MYO3B: variants seen among roughly 807,000 people sequenced by gnomAD.
MYO3B encodes myosin-IIIb.
Under a neutral mutation model 174.6 loss-of-function variants are expected in MYO3B, and 156 were observed. That is an observed-to-expected ratio of 0.89 (90% CI 0.78 to 1.02). The LOEUF is 1.02. MYO3B is among the 50% of genes least tolerant of loss of function. MYO3B has a pLI of 0.00. For missense variants in MYO3B, 1,632 were observed against 1,639.4 expected (o/e 1.00, Z 0.08); for synonymous variants, 563 against 569.1 (o/e 0.99, Z 0.15).
intron 28 of MYO3B, among the ~76,000 whole-genome samples, chr2:170,512,824 A>C (rs1426635936): frequency 6.6e-6 from 1 of 152,146 alleles, no homozygotes; most frequent in East Asian, 1.9e-4. Flanking sequence ...TTTAGGAAAA[A>C]ATTTTGTGCT....
At chr2:170,436,152 C>T (rs1184213864) in intron 22 of MYO3B, among the ~76,000 whole-genome samples, 10 of 152,166 alleles carry the variant, frequency 6.6e-5, no homozygotes, top group African/African-American at 1.9e-4. Flanking sequence ...CTCTGACTTC[C>T]GTTTTCTCCT....
At chr2:170,428,466 ATACTT>A (rs2094683067) in intron 22 of MYO3B, among the ~76,000 whole-genome samples, 1 of 152,222 alleles carries the variant, frequency 6.6e-6, no homozygotes, top group Non-Finnish European at 1.5e-5. Flanking sequence ...AAGCCTAACA[ATACTT>A]AACTTTTTTT....
chr2:170,333,837 A>G (rs1304498485), intron 7 of MYO3B: 1 of 152,152 alleles, frequency 6.6e-6, no homozygotes, highest in Non-Finnish European at 1.5e-5. Context: ...CTAGTATATC[A>G]CTTACCATAT....
chr2:170,387,373 T>A (rs780671868), intron 14 of MYO3B, 65 bp downstream of exon 14: 1 of 1,450,080 alleles, frequency 6.9e-7, no homozygotes, highest in African/African-American at 1.4e-5. Context: ...TTTGGAAATT[T>A]TAATGGTTCA....
At chr2:170,401,797 TTTTTC>T in intron 18 of MYO3B, 106 bp downstream of exon 18, 2 of 975,386 alleles carry the variant, frequency 2.1e-6, no homozygotes, top group African/African-American at 1.8e-5. Flanking sequence ...ATTTTCTTTC[TTTTTC>T]TTTTTTTTTT....
chr2:170,459,351 A>T (rs1206878777), intron 23 of MYO3B, among the ~76,000 whole-genome samples: 1 of 152,094 alleles, frequency 6.6e-6, no homozygotes, highest in Non-Finnish European at 1.5e-5. Flanking sequence ...GGGTTTACAA[A>T]CCTTGAGCTA....
At chr2:170,596,871 A>G (rs1173686956) in intron 32 of MYO3B, among the ~76,000 whole-genome samples, 1 of 152,218 alleles carries the variant, frequency 6.6e-6, no homozygotes, top group Non-Finnish European at 1.5e-5. Flanking sequence ...AGTCTCTTTG[A>G]GCAGCCTAGC....
chr2:170,405,665 A>C (rs2094504930), intron 21 of MYO3B, 32 bp downstream of exon 21: 1 of 1,595,168 alleles, frequency 6.3e-7, no homozygotes, highest in South Asian at 1.1e-5. Flanking sequence ...TTAGACCTGA[A>C]TTTGGCAAAG....
chr2:170,279,971 G>A (rs1281007020), intron 7 of MYO3B, among the ~76,000 whole-genome samples: 2 of 151,994 alleles, frequency 1.3e-5, no homozygotes, highest in African/African-American at 4.8e-5. Context: ...TATTCCTTTG[G>A]GTATATATCC....
chr2:170,423,230 A>T (rs537172959), intron 22 of MYO3B, among the ~76,000 whole-genome samples: 15 of 151,782 alleles, frequency 9.9e-5, no homozygotes, highest in African/African-American at 3.6e-4. Flanking sequence ...TGATCCACCC[A>T]CCTTGGCCTC....
At chr2:170,619,966 G>A (rs1575262854) in intron 32 of MYO3B, among the ~76,000 whole-genome samples, 1 of 151,430 alleles carries the variant, frequency 6.6e-6, no homozygotes, top group Non-Finnish European at 1.5e-5. Flanking sequence ...AGGCTGGCTT[G>A]CTGCCATATT....
Position 170,235,991 on chromosome 2 carries a change from G to T in MYO3B, c.604G>T (p.Val202Phe). The T allele has an allele frequency of 6.2e-7, 1 of 1,614,014 alleles. No individual in the cohort carries two copies. The highest frequency in any genetic ancestry group is 1.7e-5 in the Admixed American group (1 of 60,008). ...GTCATGTCCTGCTTTTGTCCAATAG[G>T]TCATTGCCTGTGAGCAGCAGTATGA... The part of the protein sequence containing the change: ...VGTPFWMAPE[V>F]IACEQQYDSS... Residue 202 changes from valine to phenylalanine, a missense_variant and splice_region_variant, in exon 7 of 35, where the codon GTC becomes TTC. Coordinates refer to ENST00000408978, the MANE Select transcript of MYO3B (RefSeq NM_138995.5).
At chr2:170,468,921 G>C (rs902101399) in intron 25 of MYO3B, among the ~76,000 whole-genome samples, 9 of 152,106 alleles carry the variant, frequency 5.9e-5, no homozygotes, top group African/African-American at 2.2e-4. Flanking sequence ...AGCACTTTGG[G>C]AGGCAGGCAC....
intron 25 of MYO3B, among the ~76,000 whole-genome samples, chr2:170,490,028 C>CT (rs751661221): frequency 0.05 from 7,262 of 145,642 alleles, 665 homozygotes; most frequent in African/African-American, 0.17. Context: ...AGTTTCTTTT[C>CT]TTTCTTTTTT....
chr2:170,187,069 AG>A (rs2092474297), intron 1 of MYO3B, among the ~76,000 whole-genome samples: 2 of 151,006 alleles, frequency 1.3e-5, no homozygotes, highest in African/African-American at 2.4e-5. Flanking sequence ...AAAAACAAAA[AG>A]GTTTGTCAAT....
chr2:170,529,385 T>C (rs1291808228), intron 30 of MYO3B, among the ~76,000 whole-genome samples: 2 of 151,920 alleles, frequency 1.3e-5, no homozygotes, highest in African/African-American at 4.8e-5. Flanking sequence ...AATTTCAGTC[T>C]CCCTTAGACC....
chr2:170,398,315 T>C (rs186116645), intron 16 of MYO3B, among the ~76,000 whole-genome samples: 4 of 148,824 alleles, frequency 2.7e-5, no homozygotes, highest in East Asian at 2.0e-4. Context: ...GGAAGTAACA[T>C]AGAGCTTCCA....
intron 7 of MYO3B, chr2:170,334,149 G>C (rs746224752): frequency 6.6e-6 from 1 of 152,158 alleles, no homozygotes; most frequent in African/African-American, 2.4e-5. Context: ...GAAAGAAGGG[G>C]GAAGGAGAAG....
chr2:170,352,128 T>G (rs924197898), intron 8 of MYO3B, among the ~76,000 whole-genome samples: 1 of 152,170 alleles, frequency 6.6e-6, no homozygotes, highest in African/African-American at 2.4e-5. Context: ...GATTTTTGTA[T>G]TTTTAGTAGA....
Sources: gnomAD v4.1 joint callset for allele counts (sites outside exome capture counted in the v4.1 genomes callset) on GRCh38, gnomAD v4.1.1 for gene constraint, MANE v1.5 for transcripts, NCBI Gene and HGNC (gene_info 2026-07-23, HGNC 2026-07-21) for gene names.